The following MYL3 variants were observed in gnomAD, a reference collection of about 807,000 sequenced individuals.
MYL3 encodes CMLC1.
In MYL3, 11 loss-of-function variants were observed where a neutral mutation model predicts 21.3. The ratio of observed to expected loss-of-function variants is 0.52; its 90% confidence interval spans 0.32 to 0.85. The LOEUF (loss-of-function observed/expected upper bound fraction) is 0.85, where lower values mean the gene tolerates loss of function less well. Among genes scored for constraint, MYL3 ranks in the 40% least tolerant of loss-of-function variants. The pLI is 0.03. For missense variants in MYL3, 206 were observed against 253.3 expected, an observed-to-expected ratio of 0.81 and a Z score of 1.27; for synonymous variants, 88 against 91.6, an observed-to-expected ratio of 0.96 and a Z score of 0.22.
intron 1 of MYL3, among the ~76,000 whole-genome samples, chr3:46,862,803 G>A (rs1334774943): frequency 1.3e-5 from 2 of 152,194 alleles, no homozygotes; most frequent in East Asian, 3.8e-4. Flanking sequence ...TGATTTGAAC[G>A]AGACCCAGCC....
intron 1 of MYL3, among the ~76,000 whole-genome samples, chr3:46,862,514 G>A (rs532066773): frequency 6.6e-6 from 1 of 152,316 alleles, no homozygotes; most frequent in Admixed American, 6.5e-5. Context: ...GGGCTCCTGA[G>A]GAGGCAGCCA....
chr3:46,865,570 G>T (rs1702040492), upstream of MYL3, among the ~76,000 whole-genome samples: 1 of 152,176 alleles, frequency 6.6e-6, no homozygotes, highest in South Asian at 2.1e-4. This position sits in a 1 kb window ranked among gnomAD's most constrained non-coding sequence, Gnocchi z 4.3. Flanking sequence ...GACATATACA[G>T]GGCCCTCTCT....
At chr3:46,868,110 C>T (rs954783378), upstream of MYL3, among the ~76,000 whole-genome samples, 1 of 152,200 alleles carries the variant, frequency 6.6e-6, no homozygotes, top group Non-Finnish European at 1.5e-5. Flanking sequence ...AGGAGGACTT[C>T]CCAGCAAAGC....
chr3:46,873,076 G>C (rs958185837), intron 1 of MYL3, among the ~76,000 whole-genome samples: 6 of 152,244 alleles, frequency 3.9e-5, no homozygotes, highest in African/African-American at 1.2e-4. Flanking sequence ...TATTGGGACA[G>C]AGGCAGCAGC....
chr3:46,872,018 T>C (rs2029951436), intron 1 of MYL3, among the ~76,000 whole-genome samples: 1 of 152,104 alleles, frequency 6.6e-6, no homozygotes. Flanking sequence ...TGGAACCTCT[T>C]CCCCTCTGGA....
In MYL3 at chr3:46,858,235, G is replaced by A. The variant is rs202234617; in HGVS notation, c.*9C>T. 4.7e-5 allele frequency: 76 copies of A among 1,614,162 alleles called. No individual in the cohort carries two copies. Among genetic ancestry groups the A allele is most frequent in the Non-Finnish European group, 6.3e-5 (74 of 1,180,020 alleles). On this transcript the variant is annotated 3_prime_UTR_variant, in exon 6 of 7. Coordinates refer to ENST00000292327, the MANE Select transcript of MYL3 (RefSeq NM_000258.3). ...CAGGAGGGAGTGGGTGCCTACCTGG[G>A]CACGAGGTTTAGCTGGACATGATGT...
At chr3:46,880,568 C>T (rs1247174059) in intron 1 of MYL3, among the ~76,000 whole-genome samples, 2 of 152,040 alleles carry the variant, frequency 1.3e-5, no homozygotes, top group African/African-American at 2.4e-5. Flanking sequence ...GGTGAAACCC[C>T]GTCTCTACCA....
At chr3:46,863,584 T>C (rs1050527247), upstream of MYL3, 1 of 591,382 alleles carries the variant, frequency 1.7e-6, no homozygotes, top group Non-Finnish European at 3.0e-6. Context: ...GGGGAGGGCA[T>C]TGTTCAGGCT....
intron 1 of MYL3, among the ~76,000 whole-genome samples, chr3:46,862,679 T>C (rs1702005465): frequency 6.6e-6 from 1 of 152,194 alleles, no homozygotes; most frequent in Non-Finnish European, 1.5e-5. Flanking sequence ...CCACTGGTCA[T>C]AGCTCCATGA....
At chr3:46,870,519 G>C (rs114901444) in intron 1 of MYL3, among the ~76,000 whole-genome samples, 2,134 of 152,164 alleles carry the variant, frequency 0.014, 49 homozygotes, top group African/African-American at 0.046. Flanking sequence ...GCCCCCGCCA[G>C]AACCAGCTGT....
At chr3:46,866,560 G>A (rs1702049503), upstream of MYL3, 2 of 152,268 alleles carry the variant, frequency 1.3e-5, 1 homozygote, top group South Asian at 4.1e-4. Flanking sequence ...TCACAGGAGG[G>A]AGGAATGTTC....
At chr3:46,881,450 A>C (rs2030558166) in intron 1 of MYL3, among the ~76,000 whole-genome samples, 1 of 151,744 alleles carries the variant, frequency 6.6e-6, no homozygotes, top group Non-Finnish European at 1.5e-5. Context: ...GGGGGTGGGA[A>C]CGGGGGAGGG....
intron 1 of MYL3, among the ~76,000 whole-genome samples, chr3:46,862,109 C>G (rs1701999011): frequency 6.6e-6 from 1 of 152,206 alleles, no homozygotes; most frequent in Non-Finnish European, 1.5e-5. Context: ...CATGAGGGGT[C>G]TCATTGTCCC....
At chr3:46,869,115 G>A (rs1032314211) in intron 1 of MYL3, among the ~76,000 whole-genome samples, 6 of 152,142 alleles carry the variant, frequency 3.9e-5, no homozygotes, top group African/African-American at 1.2e-4. Flanking sequence ...ACAGGGGCCC[G>A]GCCCCTCCCC....
In MYL3 at chr3:46,863,306, G is replaced by C. The variant is rs764726427; in HGVS notation, c.85C>G (p.Pro29Ala). ...AAPAPAPPPE[P>A]ERPKEVEFDA... ...AACTCGACCTCCTTAGGGCGCTCAGGCTCAGGGGGAGGTGCGGGAGCTGGA... is the reference window on the plus strand; with the variant it reads ...AACTCGACCTCCTTAGGGCGCTCAGCCTCAGGGGGAGGTGCGGGAGCTGGA... The change falls in exon 1 of 7, where the codon CCT becomes GCT. Residue 29 changes from proline to alanine, a missense_variant. Coordinates refer to ENST00000292327, the MANE Select transcript of MYL3 (RefSeq NM_000258.3). 6.2e-7 allele frequency: 1 copy of C among 1,614,100 alleles called. No individual in the cohort carries two copies. The highest frequency in any genetic ancestry group is 1.1e-5 in the South Asian group (1 of 91,084).
In MYL3 at chr3:46,879,325, C is replaced by G. The variant is rs2030415547; in HGVS notation, c.-218+2749G>C. On this transcript the variant is annotated intron_variant, in intron 1 of 3. Coordinates refer to the MYL3 transcript ENST00000431168. The surrounding 1 kb of genome is among the most constrained non-coding windows in gnomAD (Gnocchi z 4.7). ...CAGATCTGAAAAGAACTCCTCCCCT[C>G]AGCCTCTAGTTTTATCTCTCAGTCC... Among the ~76,000 whole-genome samples the G allele has an allele frequency of 6.6e-6, 1 of 152,252 alleles. No individual in the cohort carries two copies. Among genetic ancestry groups the G allele is most frequent in the Non-Finnish European group, 1.5e-5 (1 of 68,046 alleles).
At chr3:46,876,791 C>T (rs2030244579) in intron 1 of MYL3, among the ~76,000 whole-genome samples, 2 of 152,146 alleles carry the variant, frequency 1.3e-5, no homozygotes, top group African/African-American at 4.8e-5. Context: ...ATCATTATAC[C>T]TCATCAGGCT....
upstream of MYL3, among the ~76,000 whole-genome samples, chr3:46,865,412 C>T (rs1702038470): frequency 6.6e-6 from 1 of 152,154 alleles, no homozygotes; most frequent in African/African-American, 2.4e-5. The surrounding 1 kb of genome is among the most constrained non-coding windows in gnomAD (Gnocchi z 4.3). Context: ...CACAGAGGGG[C>T]CCCGGGGAGG....
At chr3:46,870,649 T>C (rs984742427) in intron 1 of MYL3, among the ~76,000 whole-genome samples, 2 of 152,166 alleles carry the variant, frequency 1.3e-5, no homozygotes, top group Non-Finnish European at 2.9e-5. Context: ...CCTGCCTGTG[T>C]GAGTATTTAT....
Sources: allele counts gnomAD v4.1 joint callset (sites outside exome capture counted in the v4.1 genomes callset), GRCh38; gene constraint gnomAD v4.1.1; non-coding constraint Gnocchi (gnomAD v3.1); transcripts MANE v1.5; gene names NCBI Gene and HGNC (gene_info 2026-07-23, HGNC 2026-07-21).